The following TBC1D19 variants were observed in gnomAD, a reference collection of about 807,000 sequenced individuals.
TBC1D19 encodes the protein TBC1 domain family member 19.
TBC1D19 carries 60 observed loss-of-function variants against 89.0 expected under a neutral mutation model. The observed-to-expected ratio is 0.67, with a 90% CI of 0.55 to 0.84. The LOEUF (loss-of-function observed/expected upper bound fraction) is 0.84. Ranked by LOEUF, TBC1D19 falls within the 40% of genes least tolerant of loss-of-function variation. TBC1D19 has a pLI of 0.00. For missense variants in TBC1D19, 500 were observed against 610.8 expected, an observed-to-expected ratio of 0.82 and a Z score of 1.91; for synonymous variants, 189 against 199.7, an observed-to-expected ratio of 0.95 and a Z score of 0.45.
intron 15 of TBC1D19, among the ~76,000 whole-genome samples, chr4:26,726,728 T>C (rs565760602): frequency 2.7e-4 from 41 of 152,354 alleles, no homozygotes; most frequent in Admixed American, 7.8e-4. Flanking sequence ...AGTAATAATA[T>C]GCTTTCAGCT....
chr4:26,850,675 G>T, the TBC1D19 span, among the ~76,000 whole-genome samples: 1 of 152,060 alleles, frequency 6.6e-6, no homozygotes, highest in African/African-American at 2.4e-5. Context: ...CAGATCCCTT[G>T]CTCACAGTCC....
rs530272175 is a variant in TBC1D19 at position 26,651,574 on chromosome 4, C to T, written c.481-8023C>T. Among the ~76,000 whole-genome samples the T allele has an allele frequency of 5.6e-3, 860 of 152,254 alleles. 9 individuals carry two copies. The highest frequency in any genetic ancestry group is 0.02 in the African/African-American group (823 of 41,532). ...TGCACATTGATTTTGTATCCTGAGC[C>T]TTTGCTGAAGTTGCTTATCAGCTTA... On this transcript the variant is annotated intron_variant, in intron 7 of 20. Coordinates refer to ENST00000264866, the MANE Select transcript of TBC1D19 (RefSeq NM_018317.4).
At chr4:26,604,539 A>G (rs533553329) in intron 1 of TBC1D19, among the ~76,000 whole-genome samples, 1 of 151,138 alleles carries the variant, frequency 6.6e-6, no homozygotes, top group African/African-American at 2.4e-5. Context: ...ATCCATCTAT[A>G]GACATTTGGA....
upstream of TBC1D19, among the ~76,000 whole-genome samples, chr4:26,583,470 T>C (rs1739194037): frequency 6.6e-6 from 1 of 152,236 alleles, no homozygotes; most frequent in South Asian, 2.1e-4. Context: ...GACAATGTCT[T>C]ATTCATCCTT....
rs752931241 is a variant in TBC1D19 at position 26,613,195 on chromosome 4, A to G, written c.126A>G (p.Lys42=). The part of the protein sequence containing the change: ...AWASLQRPEI[K]LESLKEDIKE... ...CCAGTCTTCAGAGACCTGAGATTAA[A>G]CTTGAATCACTGAAAGAAGATATTA... is the stretch of plus-strand genomic sequence containing the variant. Residue 42 remains lysine (K), a synonymous_variant, in exon 2 of 21, where the codon AAA becomes AAG. Coordinates refer to ENST00000264866, the MANE Select transcript of TBC1D19 (RefSeq NM_018317.4). 34 of 1,578,796 alleles carry G rather than the reference A, an allele frequency of 2.2e-5. No individual in the cohort carries two copies. Among genetic ancestry groups the G allele is most frequent in the Non-Finnish European group, 2.9e-5 (34 of 1,160,122 alleles).
chr4:26,825,218 T>G, the TBC1D19 span, among the ~76,000 whole-genome samples: 1 of 151,862 alleles, frequency 6.6e-6, no homozygotes, highest in South Asian at 2.1e-4. Flanking sequence ...CCTGCCTCAG[T>G]TTCCCGAGTA....
intron 1 of TBC1D19, among the ~76,000 whole-genome samples, chr4:26,611,833 T>C (rs166353): frequency 0.89 from 134,996 of 152,004 alleles, 62,134 homozygotes; most frequent in Non-Finnish European, 1. Context: ...CTATCATTCT[T>C]CTTTTTTATT....
intron 1 of TBC1D19, among the ~76,000 whole-genome samples, chr4:26,585,873 C>A (rs1366349574): frequency 6.6e-6 from 1 of 151,716 alleles, no homozygotes; most frequent in East Asian, 1.9e-4. Flanking sequence ...ACGTGAGCCA[C>A]CACACCCTGC....
intron 7 of TBC1D19, among the ~76,000 whole-genome samples, chr4:26,654,452 A>G (rs1436396730): frequency 6.6e-6 from 1 of 152,208 alleles, no homozygotes; most frequent in Non-Finnish European, 1.5e-5. Flanking sequence ...TCTCCTGGAT[A>G]ATATCCTGCA....
chr4:26,679,745 G>A (rs1437538197), intron 11 of TBC1D19, among the ~76,000 whole-genome samples: 1 of 152,218 alleles, frequency 6.6e-6, no homozygotes, highest in Non-Finnish European at 1.5e-5. Context: ...AAAGCCACAG[G>A]GGCAGAGCTG....
chr4:26,630,518 T>G (rs1742741565), intron 4 of TBC1D19, among the ~76,000 whole-genome samples: 1 of 151,942 alleles, frequency 6.6e-6, no homozygotes. Context: ...TGGCATTTCT[T>G]CTAAGACTTA....
At chr4:26,665,015 T>C (rs1383027496) in intron 8 of TBC1D19, among the ~76,000 whole-genome samples, 1 of 151,856 alleles carries the variant, frequency 6.6e-6, no homozygotes, top group African/African-American at 2.4e-5. Flanking sequence ...GTTGGGGAGG[T>C]TGGCCGACGA....
At chr4:26,609,063 AG>A (rs1413844412) in intron 1 of TBC1D19, among the ~76,000 whole-genome samples, 1 of 21,254 alleles carries the variant, frequency 4.7e-5, no homozygotes, top group Non-Finnish European at 8.5e-5. Flanking sequence ...GGGTGGGGGG[AG>A]GGGGGAGGGG....
intron 15 of TBC1D19, among the ~76,000 whole-genome samples, chr4:26,726,653 C>T (rs1362989807): frequency 6.6e-6 from 1 of 152,114 alleles, no homozygotes; most frequent in Admixed American, 6.5e-5. Flanking sequence ...CTGTAGGCTA[C>T]ATATGGAATG....
chr4:26,839,967 G>T, the TBC1D19 span, among the ~76,000 whole-genome samples: 1 of 152,052 alleles, frequency 6.6e-6, no homozygotes, highest in African/African-American at 2.4e-5. Flanking sequence ...GTTGATTTTG[G>T]TCATGGAGGA....
At chr4:26,636,716 T>TTGGAAAA (rs1743155628) in intron 4 of TBC1D19, among the ~76,000 whole-genome samples, 1 of 152,074 alleles carries the variant, frequency 6.6e-6, no homozygotes, top group Non-Finnish European at 1.5e-5. Context: ...TTGTGATATG[T>TTGGAAAA]TGGAAAATGT....
At chr4:26,835,151 T>C in the TBC1D19 span, among the ~76,000 whole-genome samples, 3 of 152,214 alleles carry the variant, frequency 2.0e-5, no homozygotes, top group Non-Finnish European at 4.4e-5. Context: ...GTGAATCCAA[T>C]GTAATCACCT....
At chr4:26,802,703 T>A in the TBC1D19 span, among the ~76,000 whole-genome samples, 1 of 152,244 alleles carries the variant, frequency 6.6e-6, no homozygotes, top group Non-Finnish European at 1.5e-5. Flanking sequence ...ACTTTATATA[T>A]GTATCTGTAA....
intron 12 of TBC1D19, among the ~76,000 whole-genome samples, chr4:26,686,140 T>C (rs1044578852): frequency 2.6e-5 from 4 of 151,842 alleles, no homozygotes; most frequent in Non-Finnish European, 5.9e-5. Flanking sequence ...AAAAAAAAAA[T>C]CCCTGTTATT....
Sources: allele counts gnomAD v4.1 joint callset (sites outside exome capture counted in the v4.1 genomes callset), GRCh38; gene constraint gnomAD v4.1.1; transcripts MANE v1.5; gene names NCBI Gene and HGNC (gene_info 2026-07-23, HGNC 2026-07-21).